The following IPCEF1 variants were observed in gnomAD, a reference collection of about 807,000 sequenced individuals.
IPCEF1 encodes interaction protein for cytohesin exchange factors 1.
IPCEF1 carries 31 observed loss-of-function variants against 50.9 expected under a neutral mutation model. The observed-to-expected ratio is 0.61, with a 90% CI of 0.46 to 0.82. The LOEUF (loss-of-function observed/expected upper bound fraction) is 0.82, where lower values mean the gene tolerates loss of function less well. IPCEF1 is among the 40% of genes least tolerant of loss of function. IPCEF1 has a pLI of 0.00. For missense variants in IPCEF1, 458 were observed against 514.0 expected (o/e 0.89, Z 1.05); for synonymous variants, 181 against 192.0 (o/e 0.94, Z 0.47).
intron 5 of IPCEF1, among the ~76,000 whole-genome samples, chr6:154,239,977 C>T (rs1583881149): frequency 6.6e-6 from 1 of 152,198 alleles, no homozygotes; most frequent in Non-Finnish European, 1.5e-5. Flanking sequence ...GCTGGGACTA[C>T]AGGCGTGAGC....
chr6:154,355,250 A>G (rs897293129), intron 1 of IPCEF1, among the ~76,000 whole-genome samples: 2 of 152,200 alleles, frequency 1.3e-5, no homozygotes, highest in African/African-American at 2.4e-5. Context: ...AGAACTTCCT[A>G]TTTCCATACT....
intron 2 of IPCEF1, among the ~76,000 whole-genome samples, chr6:154,279,127 T>TAA (rs5881071): frequency 1.9e-5 from 2 of 105,454 alleles, no homozygotes; most frequent in Admixed American, 9.5e-5. Flanking sequence ...TGTCTCAAAA[T>TAA]AAAAAAAAAA....
intron 10 of IPCEF1, among the ~76,000 whole-genome samples, chr6:154,191,218 G>C (rs866170425): frequency 6.6e-6 from 1 of 152,192 alleles, no homozygotes; most frequent in African/African-American, 2.4e-5. Flanking sequence ...AAAAAGATGA[G>C]AGGTTGTCAG....
intron 10 of IPCEF1, among the ~76,000 whole-genome samples, chr6:154,185,452 C>T (rs1269002007): frequency 6.6e-6 from 1 of 152,094 alleles, no homozygotes; most frequent in Non-Finnish European, 1.5e-5. Flanking sequence ...CATCACTTGC[C>T]CCCAAACTTT....
intron 3 of IPCEF1, chr6:154,247,722 T>C (rs1781174454): frequency 7.0e-6 from 3 of 431,386 alleles, no homozygotes; most frequent in South Asian, 1.1e-4. Flanking sequence ...CATTTATCAC[T>C]GATGTTTCCT....
At chr6:154,189,331 G>A (rs1801658273) in intron 10 of IPCEF1, among the ~76,000 whole-genome samples, 1 of 152,192 alleles carries the variant, frequency 6.6e-6, no homozygotes. Context: ...ATTTCATCTA[G>A]TAAAGTTGAA....
At chr6:154,276,592 C>A (rs773319727) in intron 2 of IPCEF1, among the ~76,000 whole-genome samples, 1 of 152,176 alleles carries the variant, frequency 6.6e-6, no homozygotes, top group Non-Finnish European at 1.5e-5. Flanking sequence ...AGTGGGTGGA[C>A]TAACTAGTTT....
chr6:154,346,586 A>G (rs1389841742), intron 1 of IPCEF1, among the ~76,000 whole-genome samples: 1 of 152,226 alleles, frequency 6.6e-6, no homozygotes, highest in Admixed American at 6.5e-5. Flanking sequence ...TTTATAAAGG[A>G]AAGAGGTTTA....
chr6:154,169,185 AC>A (rs1799673934), intron 10 of IPCEF1, among the ~76,000 whole-genome samples: 1 of 151,974 alleles, frequency 6.6e-6, no homozygotes, highest in Non-Finnish European at 1.5e-5. Flanking sequence ...ACATGGTAAA[AC>A]CCGTTGTCTA....
At chr6:154,169,421 T>C (rs1045207607) in intron 10 of IPCEF1, among the ~76,000 whole-genome samples, 4 of 152,162 alleles carry the variant, frequency 2.6e-5, no homozygotes, top group African/African-American at 9.7e-5. Context: ...GGGGAGTGAT[T>C]CATCCTGAGA....
At chr6:154,288,693 A>C (rs1164178912) in intron 2 of IPCEF1, among the ~76,000 whole-genome samples, 26 of 140,006 alleles carry the variant, frequency 1.9e-4, no homozygotes, top group Admixed American at 8.3e-4. Context: ...AAAAAAAAAA[A>C]AAAAAAAAAA....
In IPCEF1 at chr6:154,175,743, A is replaced by G. The variant is rs376527264; in HGVS notation, c.911-7630T>C. On this transcript the variant is annotated intron_variant, in intron 10 of 11. Coordinates refer to ENST00000367220, the MANE Select transcript of IPCEF1 (RefSeq NM_001130700.2). ...TTCGCAGCCGAATTCTACCAGAGGT[A>G]CAAAGAGGAGCTGGTACCATTCCTT... Among the ~76,000 whole-genome samples, 25 of 152,330 alleles carry G rather than the reference A, an allele frequency of 1.6e-4. No homozygotes were observed. In the East Asian group the frequency reaches 4.8e-3, roughly 29 times the overall value.
chr6:154,170,579 G>T (rs1318835391), intron 10 of IPCEF1, among the ~76,000 whole-genome samples: 2 of 152,090 alleles, frequency 1.3e-5, no homozygotes, highest in East Asian at 3.8e-4. Flanking sequence ...CTACCAAACC[G>T]TCTCACAAAA....
rs1798711197 is a variant in IPCEF1, at chr6:154,156,298, A to G, written c.*3530T>C. 1 of 152,312 alleles carries G rather than the reference A, an allele frequency of 6.6e-6. No homozygotes were observed. The highest frequency in any genetic ancestry group is 2.4e-5 in the African/African-American group (1 of 41,458). 9.4% of individuals were successfully genotyped at this position (152,312 alleles called of 1,614,324 possible). ...ATTTAGCCAAACAGCCACCAGGGCCAGCCGTATGCTAAGCCCAGTGCAATG... is the reference window on the plus strand; with the variant it reads ...ATTTAGCCAAACAGCCACCAGGGCCGGCCGTATGCTAAGCCCAGTGCAATG... On this transcript the variant is annotated 3_prime_UTR_variant, in exon 12 of 12. Transcript: ENST00000367220.
chr6:154,242,086 T>C (rs1007750939), intron 5 of IPCEF1, among the ~76,000 whole-genome samples: 5 of 152,236 alleles, frequency 3.3e-5, no homozygotes, highest in Non-Finnish European at 5.9e-5. Context: ...TGCTCGGCTA[T>C]TATGAGAATT....
At chr6:154,195,557 A>T (rs1176286796) in intron 10 of IPCEF1, among the ~76,000 whole-genome samples, 1 of 151,898 alleles carries the variant, frequency 6.6e-6, no homozygotes, top group Non-Finnish European at 1.5e-5. Context: ...ACCTCAACCA[A>T]ATGTCCTTTC....
At chr6:154,304,052 C>A (rs963726791) in intron 1 of IPCEF1, among the ~76,000 whole-genome samples, 4 of 149,620 alleles carry the variant, frequency 2.7e-5, no homozygotes, top group African/African-American at 5.1e-5. Flanking sequence ...TAAGAAGATC[C>A]CACTTTTGTA....
intron 2 of IPCEF1, among the ~76,000 whole-genome samples, chr6:154,284,052 A>G (rs1449289145): frequency 2.6e-5 from 4 of 152,254 alleles, no homozygotes; most frequent in African/African-American, 9.6e-5. Context: ...GAAACTGTGC[A>G]AGTATAGTTT....
At chr6:154,230,384 TA>T (rs1371029658) in intron 5 of IPCEF1, among the ~76,000 whole-genome samples, 1 of 152,174 alleles carries the variant, frequency 6.6e-6, no homozygotes, top group African/African-American at 2.4e-5. Flanking sequence ...AAAACTGCTC[TA>T]AAAAAATTAA....
Sources: gnomAD v4.1 joint callset for allele counts (sites outside exome capture counted in the v4.1 genomes callset) on GRCh38, gnomAD v4.1.1 for gene constraint, MANE v1.5 for transcripts, NCBI Gene and HGNC (gene_info 2026-07-23, HGNC 2026-07-21) for gene names.